HACE1: variants seen among roughly 807,000 people sequenced by gnomAD.
HACE1 encodes the protein HECT domain and ankyrin repeat containing E3 ubiquitin protein ligase 1, also known as E3 ubiquitin-protein ligase HACE1.
HACE1 carries 73 observed loss-of-function variants against 118.4 expected under a neutral mutation model. The ratio of observed to expected loss-of-function variants is 0.62; its 90% CI spans 0.51 to 0.75. The LOEUF is 0.75. Ranked by LOEUF, HACE1 falls within the 30% of genes least tolerant of loss-of-function variation. The pLI is 0.00. For synonymous variants in HACE1, 368 were observed against 374.8 expected, an observed-to-expected ratio of 0.98 and a Z score of 0.21; for missense variants, 749 against 1,102.2, an observed-to-expected ratio of 0.68 and a Z score of 4.54.
chr6:104,767,438 A>C (rs1477146657), intron 19 of HACE1, among the ~76,000 whole-genome samples: 1 of 151,992 alleles, frequency 6.6e-6, no homozygotes, highest in Non-Finnish European at 1.5e-5. Context: ...CCCAAACCAA[A>C]ATGCCACAGC....
chr6:104,758,072 T>C (rs1275828117), intron 19 of HACE1, among the ~76,000 whole-genome samples: 3 of 152,204 alleles, frequency 2.0e-5, no homozygotes, highest in African/African-American at 4.8e-5. Flanking sequence ...ATACATTTGA[T>C]TGGTGTGCCT....
intron 4 of HACE1, among the ~76,000 whole-genome samples, chr6:104,844,630 C>T (rs1040909094): frequency 4.0e-5 from 6 of 149,540 alleles, no homozygotes; most frequent in African/African-American, 1.2e-4. Flanking sequence ...GGATTACAGG[C>T]GTGAGCCACT....
chr6:104,827,782 A>G (rs1285061996), intron 6 of HACE1, among the ~76,000 whole-genome samples: 1 of 152,134 alleles, frequency 6.6e-6, no homozygotes, highest in East Asian at 1.9e-4. Context: ...GACTGAACAT[A>G]GTTGAGCACT....
intron 14 of HACE1, chr6:104,780,409 A>G: frequency 2.3e-6 from 1 of 435,498 alleles, no homozygotes; most frequent in Non-Finnish European, 4.5e-6. Context: ...TCCTCTTAAT[A>G]GCATTTGTAC....
rs1377229178 is a variant in HACE1, at chr6:104,785,208, T to C, written c.1186A>G (p.Lys396Glu). 2.5e-6 allele frequency: 4 copies of C among 1,613,714 alleles called. No individual in the cohort carries two copies. The highest frequency in any genetic ancestry group is 3.3e-5 in the Admixed American group (2 of 59,976). The change falls in exon 12 of 24, where the codon AAA becomes GAA. Residue 396 changes from lysine to glutamate, a missense_variant. Lys to Glu is a moderately conservative substitution (Grantham distance 56). This residue lies in a region of HACE1 where 267 missense variants were observed against 312.2 expected (regional missense o/e 0.86). Transcript: ENST00000262903. ...GAAGCAGCATCTTGATCTTGGCCTTTTTGTTTCAGTAAAATAGAAGTGATC... is the reference window on the plus strand; with the variant it reads ...GAAGCAGCATCTTGATCTTGGCCTTCTTGTTTCAGTAAAATAGAAGTGATC... ...TEITSILLKQ[K>E]GQDQDAASIP...
rs768576065 is a variant in HACE1, at chr6:104,842,840, G to A, written c.402+383C>T. Among the ~76,000 whole-genome samples the A allele has an allele frequency of 3.3e-5, 5 of 152,044 alleles. No homozygotes were observed. In the East Asian group the frequency reaches 5.9e-4, roughly 18 times the overall value. On this transcript the variant is annotated intron_variant, in intron 5 of 23. Transcript: ENST00000262903. Reference sequence around the variant, plus strand: ...TAAAGAAGTAACACAGGCCAGGTGCGGTGGCTCACGCCTATAATCCCAGCA... The same window carrying A: ...TAAAGAAGTAACACAGGCCAGGTGCAGTGGCTCACGCCTATAATCCCAGCA...
chr6:104,843,606 T>A (rs1227416716), intron 4 of HACE1, among the ~76,000 whole-genome samples: 1 of 152,182 alleles, frequency 6.6e-6, no homozygotes, highest in Non-Finnish European at 1.5e-5. Flanking sequence ...ATAGTAATAT[T>A]CATTAGAAAT....
chr6:104,826,375 A>G (rs2115048336), intron 6 of HACE1, among the ~76,000 whole-genome samples: 1 of 152,360 alleles, frequency 6.6e-6, no homozygotes, highest in South Asian at 2.1e-4. Flanking sequence ...AATAAACAAA[A>G]TCTGTAGTGT....
chr6:104,803,902 T>C (rs1036921603), intron 7 of HACE1, among the ~76,000 whole-genome samples: 1 of 152,068 alleles, frequency 6.6e-6, no homozygotes, highest in Admixed American at 6.5e-5. Flanking sequence ...AGTATTCAAT[T>C]AGGAAAAGAG....
chr6:104,800,677 A>C (rs1007495113), intron 7 of HACE1, among the ~76,000 whole-genome samples: 2 of 152,206 alleles, frequency 1.3e-5, no homozygotes, highest in Non-Finnish European at 1.5e-5. Flanking sequence ...CAACATCAAC[A>C]AAAAGGACAT....
intron 6 of HACE1, among the ~76,000 whole-genome samples, chr6:104,823,030 T>C (rs1772944383): frequency 6.6e-6 from 1 of 152,244 alleles, no homozygotes; most frequent in Non-Finnish European, 1.5e-5. Flanking sequence ...ATTTACAATA[T>C]AAACTGTCAT....
At chr6:104,852,202 T>TGC (rs1173125622) in intron 2 of HACE1, 115 bp downstream of exon 2, 1 of 607,968 alleles carries the variant, frequency 1.6e-6, no homozygotes, top group African/African-American at 2.5e-5. Context: ...AAACTGTCTG[T>TGC]GTGTGTGTGT....
rs1389954062 is a variant in HACE1 at position 104,728,800 on chromosome 6, T to C, written c.*862A>G. ...GGCACATATCACTTGAACTTGACATTTTAATGATGAAAAGCAAATTTAAGA... is the reference window on the plus strand; with the variant it reads ...GGCACATATCACTTGAACTTGACATCTTAATGATGAAAAGCAAATTTAAGA... On this transcript the variant is annotated 3_prime_UTR_variant, in exon 24 of 24. Coordinates refer to ENST00000262903, the MANE Select transcript of HACE1 (RefSeq NM_020771.4). 6.6e-6 allele frequency: 1 copy of C among 152,110 alleles called. No homozygotes were observed. The highest frequency in any genetic ancestry group is 1.5e-5 in the Non-Finnish European group (1 of 67,996). The allele number at this position is 152,110 out of a possible 1,614,324, so 9.4% of individuals were successfully genotyped here. A position where few individuals can be genotyped will look rare whatever the true frequency, so the allele number is the denominator to read the frequency against.
Position 104,783,980 on chromosome 6 carries a change from C to T in HACE1, c.1566+106G>A, listed in dbSNP as rs572548690. 24 of 720,718 alleles carry T rather than the reference C, an allele frequency of 3.3e-5. No homozygotes were observed. In the South Asian group the frequency reaches 3.5e-4, roughly 10 times the overall value. 44.6% of individuals were successfully genotyped at this position (720,718 alleles called of 1,614,324 possible). On this transcript the variant is annotated intron_variant, in intron 14 of 23. Transcript: ENST00000262903. ...ATTAAAGTAACATGCAATCATTCCT[C>T]TTACAACAGAATGTCTGAAGTGTAA...
chr6:104,858,156 GTAACAT>G (rs1562526520), intron 1 of HACE1, among the ~76,000 whole-genome samples: 1 of 151,802 alleles, frequency 6.6e-6, no homozygotes, highest in Non-Finnish European at 1.5e-5. Flanking sequence ...TTAAAACCAA[GTAACAT>G]TATCAAAGTC....
intron 7 of HACE1, among the ~76,000 whole-genome samples, chr6:104,797,431 AAAAG>A (rs1450028897): frequency 1.3e-5 from 2 of 151,952 alleles, no homozygotes; most frequent in South Asian, 2.1e-4. Flanking sequence ...TTCTTAATCC[AAAAG>A]AACCTCAAGA....
chr6:104,822,578 C>T (rs576284532), intron 6 of HACE1, among the ~76,000 whole-genome samples: 70 of 151,782 alleles, frequency 4.6e-4, no homozygotes, highest in African/African-American at 1.5e-3. Flanking sequence ...AAAAGTAGGC[C>T]GAGCGCGGTG....
At chr6:104,802,046 A>T (rs908270577) in intron 7 of HACE1, among the ~76,000 whole-genome samples, 3 of 151,966 alleles carry the variant, frequency 2.0e-5, no homozygotes, top group Admixed American at 6.6e-5. Flanking sequence ...AAAAAAAAAA[A>T]AAAAAGCAGG....
At position 104,771,968 on chromosome 6, in the gene HACE1, C is replaced by T; in HGVS notation, c.1971G>A (p.Leu657=). The change falls in exon 18 of 24, where the codon CTG becomes CTA. Residue 657 remains leucine (L), a synonymous_variant. Coordinates refer to ENST00000262903, the MANE Select transcript of HACE1 (RefSeq NM_020771.4). The part of the protein sequence containing the change: ...ILGLALNHRQ[L]VNIYFTRSFY... The stretch of plus-strand genomic sequence containing the variant: ...AGGATCGTGTGAAGTAAATATTGAC[C>T]AGCTGCCTGTGGTTCAACGCTAATC... 6.2e-7 allele frequency: 1 copy of T among 1,608,576 alleles called. No homozygotes were observed. Among genetic ancestry groups the T allele is most frequent in the East Asian group, 2.2e-5 (1 of 44,800 alleles).
Sources: gnomAD v4.1 joint callset for allele counts (sites outside exome capture counted in the v4.1 genomes callset) on GRCh38, gnomAD v4.1.1 for gene constraint, gnomAD v4.1.1 regional missense constraint, MANE v1.5 for transcripts, NCBI Gene and HGNC (gene_info 2026-07-23, HGNC 2026-07-21) for gene names.